The following ANKRD44 variants were observed in gnomAD, a reference collection of about 807,000 sequenced individuals.
ANKRD44 encodes the protein ankyrin repeat domain 44.
A neutral mutation model predicts 116.0 loss-of-function variants in ANKRD44; 35 were observed. The observed-to-expected ratio is 0.30, with a 90% confidence interval of 0.23 to 0.40. ANKRD44 has a LOEUF of 0.40. Ranked by LOEUF, ANKRD44 falls within the 10% of genes least tolerant of loss-of-function variation. ANKRD44 has a pLI of 1.00. For synonymous variants in ANKRD44, 435 were observed against 461.8 expected (o/e 0.94, Z 0.74); for missense variants, 1,014 against 1,242.6 (o/e 0.82, Z 2.77).
chr2:197,176,417 C>G (rs886301587), intron 2 of ANKRD44, among the ~76,000 whole-genome samples: 1 of 152,142 alleles, frequency 6.6e-6, no homozygotes, highest in Non-Finnish European at 1.5e-5. Context: ...CATTATAGAA[C>G]TGAGGCCAGA....
intron 1 of ANKRD44, chr2:197,302,555 T>C (rs1335849896): frequency 3.3e-5 from 5 of 152,248 alleles, no homozygotes; most frequent in Non-Finnish European, 1.5e-5. Context: ...ATCCTTGGGG[T>C]GTAGGCCACA....
chr2:197,218,751 C>CTTT (rs138330364), intron 1 of ANKRD44, among the ~76,000 whole-genome samples: 6 of 52,338 alleles, frequency 1.1e-4, no homozygotes, highest in African/African-American at 2.8e-4. Flanking sequence ...GGTAAAGTCC[C>CTTT]TTTTTTTTTT....
intron 16 of ANKRD44, among the ~76,000 whole-genome samples, chr2:197,040,293 T>G (rs1482159501): frequency 5.9e-5 from 9 of 151,886 alleles, no homozygotes; most frequent in Non-Finnish European, 1.2e-4. Flanking sequence ...AAAATTAATT[T>G]TTTTAGTATA....
intron 16 of ANKRD44, among the ~76,000 whole-genome samples, chr2:197,069,331 GGA>G (rs1187862614): frequency 5.9e-5 from 9 of 152,120 alleles, no homozygotes; most frequent in Non-Finnish European, 1.2e-4. Context: ...GATAGCATTA[GGA>G]GATATACCTA....
intron 16 of ANKRD44, among the ~76,000 whole-genome samples, chr2:197,075,141 C>A (rs1343161585): frequency 6.6e-6 from 1 of 152,064 alleles, no homozygotes; most frequent in Non-Finnish European, 1.5e-5. Flanking sequence ...AGTTTTCAAT[C>A]TCTCTAAGTT....
At chr2:197,008,862 A>G in intron 19 of ANKRD44, 82 bp downstream of exon 19, 1 of 1,230,698 alleles carries the variant, frequency 8.1e-7, no homozygotes, top group Non-Finnish European at 1.2e-6. Context: ...TTCCGCAGTC[A>G]GCCTTGTAAT....
chr2:197,060,923 A>G (rs763884289), intron 16 of ANKRD44, among the ~76,000 whole-genome samples: 1 of 152,216 alleles, frequency 6.6e-6, no homozygotes, highest in African/African-American at 2.4e-5. Flanking sequence ...CGCAGTATCC[A>G]TCTATCAATG....
chr2:197,275,458 C>T (rs889511821), intron 1 of ANKRD44, among the ~76,000 whole-genome samples: 4 of 150,042 alleles, frequency 2.7e-5, no homozygotes, highest in African/African-American at 7.4e-5. Context: ...AAATACAACA[C>T]GCACTCATAA....
intron 27 of ANKRD44, chr2:196,990,649 G>T (rs754544292): frequency 3.2e-6 from 4 of 1,231,956 alleles, no homozygotes; most frequent in Non-Finnish European, 4.0e-6. Context: ...TCCAACACAG[G>T]TGATCAAAGA....
In ANKRD44 at chr2:196,986,832, A is replaced by G. The variant is rs1330535639; in HGVS notation, c.*2759T>C. 11 of 985,348 alleles carry G rather than the reference A, an allele frequency of 1.1e-5. No homozygotes were observed. The Admixed American group carries it at 6.1e-4, about 55-fold the overall frequency. The allele number at this position is 985,348 out of a possible 1,614,324, so 61.0% of individuals were successfully genotyped here. ...TGTTTCAAAGTCATTCACTGAACTA[A>G]AAGTCATTTTCCCCATTTTTACAGT... On this transcript the variant is annotated 3_prime_UTR_variant, in exon 28 of 28. Transcript: ENST00000282272.
chr2:197,176,631 T>C (rs2080370857), intron 2 of ANKRD44, among the ~76,000 whole-genome samples: 1 of 151,976 alleles, frequency 6.6e-6, no homozygotes, highest in Non-Finnish European at 1.5e-5. Context: ...CTTGTAGGAG[T>C]AGGGAAAACC....
At chr2:197,014,622 T>C (rs2076355639) in intron 17 of ANKRD44, among the ~76,000 whole-genome samples, 1 of 151,826 alleles carries the variant, frequency 6.6e-6, no homozygotes, top group Non-Finnish European at 1.5e-5. Context: ...ACCTCGTCCC[T>C]ACTAAAAATA....
intron 2 of ANKRD44, among the ~76,000 whole-genome samples, chr2:197,154,174 CTTT>C (rs1034922629): frequency 3.7e-5 from 4 of 106,784 alleles, no homozygotes; most frequent in African/African-American, 1.2e-4. Context: ...TATCGGCTTT[CTTT>C]TTTTTTTTTT....
intron 16 of ANKRD44, among the ~76,000 whole-genome samples, chr2:197,032,180 C>G (rs2124896028): frequency 6.6e-6 from 1 of 152,206 alleles, no homozygotes; most frequent in South Asian, 2.1e-4. Context: ...GAGACATGAT[C>G]ATGATCAGAT....
intron 16 of ANKRD44, among the ~76,000 whole-genome samples, chr2:197,076,770 C>G (rs550759446): frequency 1.3e-5 from 2 of 152,072 alleles, no homozygotes; most frequent in Non-Finnish European, 2.9e-5. Context: ...GTTTCTTGCT[C>G]CTGTGTTTGT....
chr2:197,276,208 G>C (rs571557339), intron 1 of ANKRD44, among the ~76,000 whole-genome samples: 1 of 142,944 alleles, frequency 7.0e-6, no homozygotes, highest in Admixed American at 7.5e-5. Flanking sequence ...CTGGGAGGTA[G>C]AAGTTGCAGG....
At chr2:197,162,035 G>A (rs2079978860) in intron 2 of ANKRD44, among the ~76,000 whole-genome samples, 1 of 152,090 alleles carries the variant, frequency 6.6e-6, no homozygotes, top group Non-Finnish European at 1.5e-5. Flanking sequence ...CTTTCCACCA[G>A]CCCCTAGTCA....
At chr2:197,061,203 A>T (rs1346210708) in intron 16 of ANKRD44, among the ~76,000 whole-genome samples, 3 of 152,216 alleles carry the variant, frequency 2.0e-5, no homozygotes, top group Non-Finnish European at 4.4e-5. Context: ...CAGATCTTGT[A>T]GCTAGGTAAT....
At chr2:197,141,361 C>G (rs1354384536) in intron 3 of ANKRD44, among the ~76,000 whole-genome samples, 10 of 152,132 alleles carry the variant, frequency 6.6e-5, no homozygotes, top group Non-Finnish European at 1.5e-5. Context: ...ATTACTTGTT[C>G]ATATTCTTTA....
Sources: gnomAD v4.1 joint callset for allele counts (sites outside exome capture counted in the v4.1 genomes callset) on GRCh38, gnomAD v4.1.1 for gene constraint, MANE v1.5 for transcripts, NCBI Gene and HGNC (gene_info 2026-07-23, HGNC 2026-07-21) for gene names.